The following CRYL1 variants were observed in gnomAD, a reference collection of about 807,000 sequenced individuals.
CRYL1 encodes lambda-crystallin homolog.
CRYL1 carries 29 observed loss-of-function variants against 36.6 expected under a neutral mutation model. The ratio of observed to expected loss-of-function variants is 0.79; its 90% confidence interval spans 0.59 to 1.08. CRYL1 has a LOEUF of 1.08. CRYL1 is among the 50% of genes least tolerant of loss of function. CRYL1 has a pLI of 0.00. For missense variants in CRYL1, 411 were observed against 407.9 expected (o/e 1.01, Z -0.06); for synonymous variants, 152 against 151.5 (o/e 1.00, Z -0.02).
At chr13:20,500,195 A>G (rs1593489803) in intron 2 of CRYL1, among the ~76,000 whole-genome samples, 1 of 152,244 alleles carries the variant, frequency 6.6e-6, no homozygotes, top group East Asian at 1.9e-4. Context: ...AATATTGCTC[A>G]TTCTTTTTGT....
chr13:20,511,857 C>T (rs2033922704), intron 2 of CRYL1, among the ~76,000 whole-genome samples: 2 of 152,210 alleles, frequency 1.3e-5, no homozygotes, highest in African/African-American at 4.8e-5. Flanking sequence ...CTAAAACAGC[C>T]CTCCGCATTC....
At chr13:20,520,332 G>A (rs2034070905) in intron 1 of CRYL1, among the ~76,000 whole-genome samples, 1 of 151,152 alleles carries the variant, frequency 6.6e-6, no homozygotes, top group Non-Finnish European at 1.5e-5. Flanking sequence ...TTTGCTGGCT[G>A]CGGGGTCTGA....
At position 20,525,803 on chromosome 13, in the gene CRYL1, C is replaced by T. The variant is rs1049437474; in HGVS notation, c.-9G>A. On this transcript the variant is annotated 5_prime_UTR_variant, in exon 1 of 8. Coordinates refer to ENST00000298248, the MANE Select transcript of CRYL1 (RefSeq NM_015974.3). The surrounding 1 kb of genome is among the most constrained non-coding windows in gnomAD (Gnocchi z 4.3). ...GCCGCGGAGGACGCCATGGTTGGGC[C>T]GGGGACGCGGCGCCGCGGGCGCTGG... The T allele has an allele frequency of 7.3e-6, 9 of 1,240,864 alleles. No individual in the cohort carries two copies. Among genetic ancestry groups the T allele is most frequent in the Admixed American group, 8.4e-5 (2 of 23,738 alleles). The allele number at this position is 1,240,864 out of a possible 1,614,324, so 76.9% of individuals were successfully genotyped here. A position where few individuals can be genotyped will look rare whatever the true frequency, so the allele number is the denominator to read the frequency against.
chr13:20,518,651 T>A (rs1348686869), intron 1 of CRYL1, among the ~76,000 whole-genome samples: 1 of 152,114 alleles, frequency 6.6e-6, no homozygotes, highest in Non-Finnish European at 1.5e-5. Flanking sequence ...GACATTCTAG[T>A]TGTCTTACTG....
At chr13:20,410,809 G>A (rs992553637) in intron 6 of CRYL1, among the ~76,000 whole-genome samples, 3 of 152,118 alleles carry the variant, frequency 2.0e-5, no homozygotes, top group Non-Finnish European at 2.9e-5. Flanking sequence ...TTCACAGATG[G>A]GGAAACTGAG....
chr13:20,444,733 T>C (rs926506703), intron 3 of CRYL1, among the ~76,000 whole-genome samples: 3 of 152,240 alleles, frequency 2.0e-5, no homozygotes, highest in Non-Finnish European at 4.4e-5. Flanking sequence ...CAAATGTTTT[T>C]GGGGATGGAG....
intron 3 of CRYL1, among the ~76,000 whole-genome samples, chr13:20,487,840 G>A (rs909326082): frequency 5.3e-5 from 8 of 152,094 alleles, no homozygotes; most frequent in African/African-American, 1.9e-4. Context: ...CGTGGCTCAC[G>A]CCTGTAATCC....
At chr13:20,467,841 T>C (rs577260653) in intron 3 of CRYL1, among the ~76,000 whole-genome samples, 3 of 152,228 alleles carry the variant, frequency 2.0e-5, no homozygotes, top group African/African-American at 7.2e-5. Flanking sequence ...CTCAGACTGG[T>C]ACCGGTCCCT....
chr13:20,493,729 G>T (rs1228247138), intron 2 of CRYL1, among the ~76,000 whole-genome samples: 1 of 152,174 alleles, frequency 6.6e-6, no homozygotes, highest in Non-Finnish European at 1.5e-5. Flanking sequence ...GGGCAGACTG[G>T]TTGAGGGCAG....
intron 7 of CRYL1, among the ~76,000 whole-genome samples, 172 bp from the exon 8 acceptor site, chr13:20,404,414 G>T (rs778206751): frequency 2.0e-5 from 3 of 152,132 alleles, no homozygotes; most frequent in Admixed American, 2.0e-4. Context: ...GTCCCTCAGA[G>T]ACAAGTCACA....
rs535014259 is a variant in CRYL1 at position 20,485,053 on chromosome 13, T to C, written c.276+4317A>G. Among the ~76,000 whole-genome samples the C allele has an allele frequency of 1.6e-3, 237 of 152,308 alleles. 1 individual carries two copies. Among genetic ancestry groups the C allele is most frequent in the East Asian group, 5.8e-4 (3 of 5,180 alleles). On this transcript the variant is annotated intron_variant, in intron 3 of 7. Transcript: ENST00000298248. Reference sequence around the variant, plus strand: ...TTGTTGTTGAGACAAGGTCTCACTCTGTCGCCCAGGCTGGAGTGCAGTGGC... The same window carrying C: ...TTGTTGTTGAGACAAGGTCTCACTCCGTCGCCCAGGCTGGAGTGCAGTGGC...
At chr13:20,512,692 G>A in intron 1 of CRYL1, 142 bp from the exon 2 acceptor site, 1 of 596,760 alleles carries the variant, frequency 1.7e-6, no homozygotes, top group South Asian at 2.3e-5. Context: ...ACACATTTTA[G>A]CCGGGCACAG....
intron 6 of CRYL1, among the ~76,000 whole-genome samples, chr13:20,405,240 C>A (rs896606976): frequency 2.6e-5 from 4 of 151,744 alleles, no homozygotes; most frequent in Non-Finnish European, 4.4e-5. Context: ...CACTGTACTC[C>A]GGCCTGGGCA....
At chr13:20,478,225 C>G (rs1318844160) in intron 3 of CRYL1, among the ~76,000 whole-genome samples, 1 of 151,888 alleles carries the variant, frequency 6.6e-6, no homozygotes, top group South Asian at 2.1e-4. Flanking sequence ...GTGATAAGAT[C>G]AAAAAGTATT....
intron 3 of CRYL1, among the ~76,000 whole-genome samples, chr13:20,469,263 T>C (rs7983318): frequency 0.82 from 125,374 of 152,254 alleles, 51,755 homozygotes; most frequent in Admixed American, 0.87. Context: ...CTTTTCAACT[T>C]CTTTGTTCAC....
At chr13:20,438,865 C>T (rs759220357) in intron 4 of CRYL1, among the ~76,000 whole-genome samples, 8 of 152,222 alleles carry the variant, frequency 5.3e-5, no homozygotes, top group Non-Finnish European at 7.3e-5. Flanking sequence ...GGGGCTCAAA[C>T]GTCGTTCACT....
intron 5 of CRYL1, among the ~76,000 whole-genome samples, chr13:20,420,611 G>A (rs2031777268): frequency 6.6e-6 from 1 of 151,262 alleles, no homozygotes; most frequent in African/African-American, 2.4e-5. Context: ...ATAGAGACTA[G>A]ACAGGAACAA....
At chr13:20,420,019 G>T (rs1398463154) in intron 5 of CRYL1, among the ~76,000 whole-genome samples, 2 of 152,240 alleles carry the variant, frequency 1.3e-5, no homozygotes, top group Non-Finnish European at 2.9e-5. Flanking sequence ...TTACTCACAG[G>T]CTTGTGGTCA....
intron 1 of CRYL1, among the ~76,000 whole-genome samples, chr13:20,516,050 G>C (rs1326514175): frequency 6.6e-6 from 1 of 152,074 alleles, no homozygotes; most frequent in Non-Finnish European, 1.5e-5. Context: ...AATTAGCCAG[G>C]TATGGTGGCG....
Sources: gnomAD v4.1 joint callset for allele counts (sites outside exome capture counted in the v4.1 genomes callset) on GRCh38, gnomAD v4.1.1 for gene constraint, Gnocchi (gnomAD v3.1) non-coding constraint, MANE v1.5 for transcripts, NCBI Gene and HGNC (gene_info 2026-07-23, HGNC 2026-07-21) for gene names.